Variants in CNTN4 observed in about 807,000 individuals in gnomAD.
The protein encoded by CNTN4 is contactin-4.
In CNTN4, 77 loss-of-function variants were observed where a neutral mutation model predicts 122.5. The ratio of observed to expected loss-of-function variants is 0.63; its 90% confidence interval spans 0.52 to 0.76. CNTN4 has a LOEUF of 0.76. CNTN4 is among the 30% of genes least tolerant of loss of function. The pLI, the probability that CNTN4 is intolerant of heterozygous loss-of-function variation, is 0.00. For missense variants in CNTN4, 1,256 were observed against 1,259.1 expected (o/e 1.00, Z 0.04); for synonymous variants, 512 against 447.0 (o/e 1.15, Z -1.83).
At chr3:2,199,663 A>G in intron 2 of CNTN4, among the ~76,000 whole-genome samples, 1 of 152,202 alleles carries the variant, frequency 6.6e-6, no homozygotes, top group Non-Finnish European at 1.5e-5. Flanking sequence ...CAAAATATAG[A>G]CAAGACACCG....
At chr3:2,698,631 A>C (rs540638657) in intron 4 of CNTN4, among the ~76,000 whole-genome samples, 26 of 152,294 alleles carry the variant, frequency 1.7e-4, no homozygotes, top group South Asian at 1.2e-3. Flanking sequence ...GTGTCAAATA[A>C]AAGAGTTGAA....
chr3:2,601,563 A>G (rs1210232524), intron 4 of CNTN4, among the ~76,000 whole-genome samples: 2 of 152,082 alleles, frequency 1.3e-5, no homozygotes, highest in African/African-American at 2.4e-5. Context: ...CCATTGGTCT[A>G]TATCTCTGTT....
chr3:2,879,550 C>T (rs1673114893), intron 8 of CNTN4, among the ~76,000 whole-genome samples: 1 of 152,156 alleles, frequency 6.6e-6, no homozygotes, highest in African/African-American at 2.4e-5. Flanking sequence ...CAACATCGAT[C>T]AATCTCGAAA....
intron 2 of CNTN4, among the ~76,000 whole-genome samples, chr3:2,103,490 T>A (rs187152857): frequency 6.6e-6 from 1 of 152,182 alleles, no homozygotes; most frequent in East Asian, 1.9e-4. Flanking sequence ...ATAACCTTCC[T>A]CTGAAGATTC....
At chr3:2,987,152 G>A (rs1227693210) in intron 13 of CNTN4, among the ~76,000 whole-genome samples, 1 of 152,188 alleles carries the variant, frequency 6.6e-6, no homozygotes, top group African/African-American at 2.4e-5. Flanking sequence ...GCCCTGAAGT[G>A]GGAAGGATTT....
At chr3:2,726,706 C>T (rs1332516631) in intron 4 of CNTN4, among the ~76,000 whole-genome samples, 3 of 152,144 alleles carry the variant, frequency 2.0e-5, no homozygotes, top group Non-Finnish European at 4.4e-5. Flanking sequence ...CAGTGGAGCG[C>T]TGGGTTGTTA....
intron 11 of CNTN4, among the ~76,000 whole-genome samples, chr3:2,901,477 C>A (rs2094172898): frequency 6.6e-6 from 1 of 152,156 alleles, no homozygotes; most frequent in Admixed American, 6.5e-5. Context: ...GCCTAACTCA[C>A]CCCCTGCCTC....
intron 3 of CNTN4, among the ~76,000 whole-genome samples, chr3:2,370,536 A>G (rs2045592275): frequency 6.6e-6 from 1 of 152,178 alleles, no homozygotes; most frequent in African/African-American, 2.4e-5. Flanking sequence ...TTCCTGTTTG[A>G]TCTGACAACA....
At chr3:2,194,360 C>T (rs2037737367) in intron 2 of CNTN4, among the ~76,000 whole-genome samples, 1 of 151,976 alleles carries the variant, frequency 6.6e-6, no homozygotes, top group Non-Finnish European at 1.5e-5. Context: ...CCTCAGGAAA[C>T]TGAGGCCCAA....
intron 12 of CNTN4, among the ~76,000 whole-genome samples, chr3:2,925,208 T>TA (rs2094462069): frequency 6.6e-6 from 1 of 152,102 alleles, no homozygotes; most frequent in African/African-American, 2.4e-5. Context: ...CTACATACTT[T>TA]AAAAAAATTA....
chr3:2,221,059 T>C (rs2039042900), intron 2 of CNTN4, among the ~76,000 whole-genome samples: 1 of 152,226 alleles, frequency 6.6e-6, no homozygotes, highest in Admixed American at 6.5e-5. Flanking sequence ...TTCTAAGTAG[T>C]CATTGCCTGC....
At chr3:2,440,797 T>C (rs2048409119) in intron 3 of CNTN4, among the ~76,000 whole-genome samples, 1 of 148,760 alleles carries the variant, frequency 6.7e-6, no homozygotes, top group Non-Finnish European at 1.5e-5. Context: ...TATTCATACA[T>C]ATATAACAAA....
Position 2,961,231 on chromosome 3 carries a change from C to CAAAAAAAAAAAAAAAAAAAAAAAAAA in CNTN4, c.1359-27095_1359-27094insAAAAAAAAAAAAAAAAAAAAAAAAAA, listed in dbSNP as rs59790353. Among the ~76,000 whole-genome samples, 6 of 37,252 alleles carry CAAAAAAAAAAAAAAAAAAAAAAAAAA rather than the reference C, an allele frequency of 1.6e-4. 1 individual carries two copies. Among genetic ancestry groups the CAAAAAAAAAAAAAAAAAAAAAAAAAA allele is most frequent in the Non-Finnish European group, 1.5e-4 (3 of 20,114 alleles). The allele number at this position is 37,252 out of a possible 152,430, so 24.4% of individuals were successfully genotyped here. ...GGCGACAGAACGAGACTCCATCTCA[C>CAAAAAAAAAAAAAAAAAAAAAAAAAA]AAAAAAAAAAAAAAAAAAAGGCCTA... is the stretch of plus-strand genomic sequence containing the variant. On this transcript the variant is annotated intron_variant, in intron 13 of 24. Coordinates refer to ENST00000418658, the MANE Select transcript of CNTN4 (RefSeq NM_175607.3).
intron 3 of CNTN4, among the ~76,000 whole-genome samples, chr3:2,448,077 T>C (rs2048689280): frequency 6.6e-6 from 1 of 152,234 alleles, no homozygotes; most frequent in Non-Finnish European, 1.5e-5. Flanking sequence ...AATATGGAAA[T>C]AATTGTGCCT....
At chr3:2,213,651 A>G (rs189130112) in intron 2 of CNTN4, among the ~76,000 whole-genome samples, 6 of 152,278 alleles carry the variant, frequency 3.9e-5, no homozygotes, top group Admixed American at 2.0e-4. Flanking sequence ...AATGCACTCC[A>G]GGCTCCCATT....
intron 3 of CNTN4, among the ~76,000 whole-genome samples, chr3:2,354,553 T>C (rs111739405): frequency 2.0e-5 from 3 of 152,114 alleles, no homozygotes; most frequent in African/African-American, 7.2e-5. Flanking sequence ...CTGAATATTT[T>C]GAACCTTAAG....
chr3:2,965,601 T>C (rs545072545), intron 13 of CNTN4, among the ~76,000 whole-genome samples: 27 of 152,244 alleles, frequency 1.8e-4, no homozygotes, highest in Non-Finnish European at 1.0e-4. Context: ...TGGCTTCTTC[T>C]TATATCTAAA....
intron 3 of CNTN4, among the ~76,000 whole-genome samples, chr3:2,365,375 G>T (rs1369375395): frequency 6.6e-6 from 1 of 152,130 alleles, no homozygotes; most frequent in Non-Finnish European, 1.5e-5. Context: ...TTCATGATTT[G>T]TCCTCAACTT....
chr3:2,710,973 G>T (rs923706514), intron 4 of CNTN4, among the ~76,000 whole-genome samples: 1 of 152,140 alleles, frequency 6.6e-6, no homozygotes, highest in Non-Finnish European at 1.5e-5. Flanking sequence ...GGGACAATGC[G>T]CATTAAATCA....
Sources: allele counts gnomAD v4.1 joint callset (sites outside exome capture counted in the v4.1 genomes callset), GRCh38; gene constraint gnomAD v4.1.1; transcripts MANE v1.5; gene names NCBI Gene and HGNC (gene_info 2026-07-23, HGNC 2026-07-21).